SDK1: variants seen among roughly 807,000 people sequenced by gnomAD.
SDK1 encodes the protein sidekick cell adhesion molecule 1, also known as protein sidekick-1.
SDK1 carries 157 observed loss-of-function variants against 245.5 expected under a neutral mutation model. That is an observed-to-expected ratio of 0.64 (90% CI 0.56 to 0.73). The LOEUF (loss-of-function observed/expected upper bound fraction) is 0.73. SDK1 is among the 30% of genes least tolerant of loss of function. The probability of loss-of-function intolerance (pLI) is 0.00; values close to 1 mark genes in which losing one functional copy is unlikely to be tolerated. For missense variants in SDK1, 3,583 were observed against 3,002.3 expected, an observed-to-expected ratio of 1.19 and a Z score of -4.52; for synonymous variants, 1,647 against 1,278.5, an observed-to-expected ratio of 1.29 and a Z score of -6.15.
intron 4 of SDK1, among the ~76,000 whole-genome samples, chr7:3,767,292 A>G (rs1003670634): frequency 6.6e-6 from 1 of 152,132 alleles, no homozygotes; most frequent in South Asian, 2.1e-4. Flanking sequence ...GAGTTGACCC[A>G]GGGACTAAGG....
chr7:4,083,323 T>C (rs1331124631), intron 22 of SDK1, among the ~76,000 whole-genome samples: 1 of 151,450 alleles, frequency 6.6e-6, no homozygotes, highest in African/African-American at 2.4e-5. Flanking sequence ...AGGTTACAGC[T>C]CTGTTAATCT....
chr7:3,679,546 G>A lies in SDK1; in HGVS notation c.713+37441G>A, dbSNP rs1184693609. Among the ~76,000 whole-genome samples the A allele has an allele frequency of 3.3e-5, 5 of 151,980 alleles. No individual in the cohort carries two copies. In the East Asian group the frequency reaches 5.8e-4, roughly 18 times the overall value. The stretch of plus-strand genomic sequence containing the variant: ...CGTGCCACTGCACTCCAGCCTGGGC[G>A]ACAGAGCGAGACTCCATCTCAAAAA... On this transcript the variant is annotated intron_variant, in intron 4 of 44. Transcript: ENST00000404826.
At chr7:4,039,284 G>A (rs960808189) in intron 17 of SDK1, among the ~76,000 whole-genome samples, 60 of 149,546 alleles carry the variant, frequency 4.0e-4, no homozygotes, top group African/African-American at 1.2e-3. Context: ...CACATGTACC[G>A]GAAAACTTAA....
At chr7:3,699,748 G>A (rs1784687381) in intron 4 of SDK1, among the ~76,000 whole-genome samples, 1 of 152,132 alleles carries the variant, frequency 6.6e-6, no homozygotes, top group African/African-American at 2.4e-5. Flanking sequence ...AAGATTTCCT[G>A]AATATGGCAT....
intron 1 of SDK1, among the ~76,000 whole-genome samples, chr7:3,560,213 C>T (rs1051780199): frequency 4.6e-5 from 7 of 152,154 alleles, no homozygotes; most frequent in East Asian, 1.9e-4. Flanking sequence ...AATACCCTAG[C>T]GTATCTTTAG....
At chr7:3,546,448 T>C (rs1779229127) in intron 1 of SDK1, among the ~76,000 whole-genome samples, 1 of 152,252 alleles carries the variant, frequency 6.6e-6, no homozygotes, top group Non-Finnish European at 1.5e-5. Context: ...TAAGGCTCTC[T>C]GAAGGTATCT....
chr7:3,955,995 C>G (rs1393089713), intron 7 of SDK1, among the ~76,000 whole-genome samples: 1 of 152,202 alleles, frequency 6.6e-6, no homozygotes, highest in East Asian at 1.9e-4. Context: ...TCTGAGCTGG[C>G]CTTTTCCTAA....
intron 4 of SDK1, among the ~76,000 whole-genome samples, chr7:3,682,360 A>G (rs989271425): frequency 3.9e-5 from 6 of 152,208 alleles, no homozygotes; most frequent in African/African-American, 1.4e-4. Flanking sequence ...GAAAGCAGCA[A>G]TTTTTGAGAT....
rs534980701 is a variant in SDK1 at position 3,937,763 on chromosome 7, G to C, written c.848-13160G>C. The stretch of plus-strand genomic sequence containing the variant: ...CCCATTGTCCGTGTTAATAGCCTCA[G>C]ATGGGCATCAGTTGCCCTGATGGGC... On this transcript the variant is annotated intron_variant, in intron 5 of 44. Coordinates refer to ENST00000404826, the MANE Select transcript of SDK1 (RefSeq NM_152744.4). Among the ~76,000 whole-genome samples, 5 of 152,354 alleles carry C rather than the reference G, an allele frequency of 3.3e-5. No individual in the cohort carries two copies. In the East Asian group the frequency reaches 9.6e-4, roughly 29 times the overall value.
chr7:4,010,947 G>C lies in SDK1; in HGVS notation c.2132-19G>C, dbSNP rs375618138. The stretch of plus-strand genomic sequence containing the variant: ...ATGATAAGCCTGTGGGCTTGAATTC[G>C]TTTTCTTCATTCTTTCAGACTCTCC... On this transcript the variant is annotated intron_variant, in intron 14 of 44. Transcript: ENST00000404826. 1.9e-6 allele frequency: 3 copies of C among 1,613,684 alleles called. No homozygotes were observed. Among genetic ancestry groups the C allele is most frequent in the South Asian group, 1.1e-5 (1 of 91,060 alleles).
rs1308142076 is a variant in SDK1 at position 4,265,502 on chromosome 7, G to C, written c.*118G>C. The C allele has an allele frequency of 4.4e-6, 6 of 1,371,664 alleles. No homozygotes were observed. The highest frequency in any genetic ancestry group is 4.7e-6 in the Non-Finnish European group (5 of 1,071,124). The allele number at this position is 1,371,664 out of a possible 1,614,324, so 85.0% of individuals were successfully genotyped here. ...TTTTTGTTTAAAAAGAAAAAAATCT[G>C]ATAAGTGATGATTTTACCTACTTGT... On this transcript the variant is annotated 3_prime_UTR_variant, in exon 45 of 45. Coordinates refer to ENST00000404826, the MANE Select transcript of SDK1 (RefSeq NM_152744.4).
chr7:4,186,033 G>C (rs1238398359), intron 35 of SDK1, among the ~76,000 whole-genome samples: 1 of 152,178 alleles, frequency 6.6e-6, no homozygotes, highest in Non-Finnish European at 1.5e-5. Flanking sequence ...AGAGGTGCCC[G>C]GCCCAGCTCT....
At chr7:3,830,710 G>A (rs998440864) in intron 5 of SDK1, among the ~76,000 whole-genome samples, 5 of 152,044 alleles carry the variant, frequency 3.3e-5, no homozygotes, top group African/African-American at 7.2e-5. Context: ...TGTTGCCCAC[G>A]CTGGTCTTGA....
In SDK1 at chr7:3,357,590, C is replaced by A. The variant is rs574763495; in HGVS notation, c.298+55706C>A. Among the ~76,000 whole-genome samples the A allele has an allele frequency of 3.3e-4, 50 of 151,890 alleles. 1 individual carries two copies. The South Asian group carries it at 9.4e-3, about 29-fold the overall frequency. ...CTTGAACACCTGTGCTCAAGCAATC[C>A]TCCTCCCTTGGCCTCCCGAAGTGCT... On this transcript the variant is annotated intron_variant, in intron 1 of 44. Coordinates refer to ENST00000404826, the MANE Select transcript of SDK1 (RefSeq NM_152744.4).
intron 1 of SDK1, among the ~76,000 whole-genome samples, chr7:3,388,494 A>G (rs1333244727): frequency 6.6e-6 from 1 of 152,122 alleles, no homozygotes; most frequent in African/African-American, 2.4e-5. Context: ...TCAAACTCCT[A>G]GGCTCAAGCG....
Position 4,155,108 on chromosome 7 carries a change from T to C in SDK1, c.4626-3340T>C, listed in dbSNP as rs74558765. Among the ~76,000 whole-genome samples the C allele has an allele frequency of 1.9e-3, 285 of 151,880 alleles. 3 individuals are homozygous for C. In the East Asian group the frequency reaches 0.044, roughly 24 times the overall value. On this transcript the variant is annotated intron_variant, in intron 30 of 44. Transcript: ENST00000404826. Reference sequence around the variant, plus strand: ...ACTGCAGAGCCAGGAGAGGGGTTGATAGCACTGCCCTCTGCCTGCCTCATT... The same window carrying C: ...ACTGCAGAGCCAGGAGAGGGGTTGACAGCACTGCCCTCTGCCTGCCTCATT...
At position 4,008,593 on chromosome 7, in the gene SDK1, G is replaced by A. The variant is rs190010230; in HGVS notation, c.2132-2373G>A. Among the ~76,000 whole-genome samples the A allele has an allele frequency of 4.6e-5, 7 of 152,362 alleles. No homozygotes were observed. The East Asian group carries it at 1.3e-3, about 29-fold the overall frequency. ...GTAAAAGAAAGCGAAGAGGAAAGGGGAAGGGGTGTTCTGTAATGAACTAGA... is the reference window on the plus strand; with the variant it reads ...GTAAAAGAAAGCGAAGAGGAAAGGGAAAGGGGTGTTCTGTAATGAACTAGA... On this transcript the variant is annotated intron_variant, in intron 14 of 44. Transcript: ENST00000404826.
intron 22 of SDK1, among the ~76,000 whole-genome samples, chr7:4,084,168 A>G (rs372890420): frequency 1.6e-4 from 24 of 152,256 alleles, no homozygotes; most frequent in African/African-American, 5.1e-4. Flanking sequence ...GCAGGAAGGC[A>G]GAATAAATGC....
At chr7:3,372,080 A>G (rs1021619535) in intron 1 of SDK1, among the ~76,000 whole-genome samples, 1 of 152,196 alleles carries the variant, frequency 6.6e-6, no homozygotes, top group African/African-American at 2.4e-5. Context: ...TCAGATGTAA[A>G]ACAACAGCAT....
Sources: gnomAD v4.1 joint callset for allele counts (sites outside exome capture counted in the v4.1 genomes callset) on GRCh38, gnomAD v4.1.1 for gene constraint, MANE v1.5 for transcripts, NCBI Gene and HGNC (gene_info 2026-07-23, HGNC 2026-07-21) for gene names.